ITGA9: variants seen among roughly 807,000 people sequenced by gnomAD.
ITGA9 encodes the protein integrin subunit alpha 9.
ITGA9 carries 56 observed loss-of-function variants against 127.8 expected under a neutral mutation model. The ratio of observed to expected loss-of-function variants is 0.44; its 90% confidence interval spans 0.35 to 0.55. ITGA9 has a LOEUF of 0.55. ITGA9 is among the 20% of genes least tolerant of loss of function. The pLI, the probability that ITGA9 is intolerant of heterozygous loss-of-function variation, is 0.00. For missense variants in ITGA9, 1,196 were observed against 1,347.1 expected, an observed-to-expected ratio of 0.89 and a Z score of 1.76; for synonymous variants, 508 against 514.5, an observed-to-expected ratio of 0.99 and a Z score of 0.17.
At chr3:37,707,899 T>A (rs1233975858) in intron 18 of ITGA9, among the ~76,000 whole-genome samples, 1 of 151,656 alleles carries the variant, frequency 6.6e-6, no homozygotes, top group Non-Finnish European at 1.5e-5. Flanking sequence ...GCAAAGGGGG[T>A]GGGTGAGTGA....
intron 1 of ITGA9, among the ~76,000 whole-genome samples, chr3:37,455,653 ACGTCTCTCTTCT>A (rs1698247825): frequency 6.6e-6 from 1 of 152,244 alleles, no homozygotes; most frequent in Non-Finnish European, 1.5e-5. Flanking sequence ...CTTGTATCTT[ACGTCTCTCTTCT>A]CGAAGAAATT....
chr3:37,519,392 A>G (rs769329859), intron 11 of ITGA9, 38 bp downstream of exon 11: 9 of 1,495,006 alleles, frequency 6.0e-6, no homozygotes, highest in African/African-American at 1.4e-5. Context: ...CTGTTCATAC[A>G]TTCATTCAGC....
chr3:37,631,930 G>A (rs1296579518), intron 16 of ITGA9, among the ~76,000 whole-genome samples: 3 of 152,284 alleles, frequency 2.0e-5, no homozygotes, highest in South Asian at 4.1e-4. Context: ...GGGCGGCCTC[G>A]TTCTCAGAGA....
rs542097906 is a variant in ITGA9, at chr3:37,629,544, C to A, written c.1839+208C>A. 1.4e-5 allele frequency: 9 copies of A among 649,468 alleles called. No individual in the cohort carries two copies. In the East Asian group the frequency reaches 2.2e-4, roughly 16 times the overall value. The allele number at this position is 649,468 out of a possible 1,614,324, so 40.2% of individuals were successfully genotyped here. ...ACTTGTGACTACTGTGGGACTTAAA[C>A]ACTTTCAGACAATTCTCAGGCTGTT... On this transcript the variant is annotated intron_variant, in intron 16 of 27. Coordinates refer to ENST00000264741, the MANE Select transcript of ITGA9 (RefSeq NM_002207.3). The surrounding 1 kb of genome is among the most constrained non-coding windows in gnomAD (Gnocchi z 4.5).
chr3:37,765,747 G>A (rs933552805), intron 23 of ITGA9, among the ~76,000 whole-genome samples: 1 of 152,304 alleles, frequency 6.6e-6, no homozygotes, highest in African/African-American at 2.4e-5. Context: ...AGTCCCGGCT[G>A]TCCGTACAGA....
Position 37,624,768 on chromosome 3 carries a change from G to A in ITGA9, c.1690-4419G>A, listed in dbSNP as rs577544412. On this transcript the variant is annotated intron_variant, in intron 15 of 27. Coordinates refer to ENST00000264741, the MANE Select transcript of ITGA9 (RefSeq NM_002207.3). ...ATTATAGGCGTGCTCCACCACGCCC[G>A]GCTAATTTTTGTATTTTTAGTAGAG... Among the ~76,000 whole-genome samples the A allele has an allele frequency of 4.6e-5, 7 of 152,016 alleles. No homozygotes were observed. The East Asian group carries it at 9.7e-4, about 21-fold the overall frequency.
intron 17 of ITGA9, among the ~76,000 whole-genome samples, chr3:37,664,425 T>C (rs1700565614): frequency 6.7e-6 from 1 of 148,546 alleles, no homozygotes; most frequent in Admixed American, 6.7e-5. Context: ...ACATTCTTTT[T>C]TTTTTTTTTT....
chr3:37,532,533 G>A (rs267567), intron 13 of ITGA9, among the ~76,000 whole-genome samples: 58,371 of 152,094 alleles, frequency 0.38, 13,042 homozygotes, highest in East Asian at 0.72. Flanking sequence ...AAGGTTGAGC[G>A]GTAGCTTAGG....
At chr3:37,677,541 G>A (rs1700695036) in intron 17 of ITGA9, among the ~76,000 whole-genome samples, 1 of 152,126 alleles carries the variant, frequency 6.6e-6, no homozygotes, top group African/African-American at 2.4e-5. Flanking sequence ...AAATGCTAAG[G>A]AAATAAACAC....
intron 13 of ITGA9, 144 bp from the exon 14 acceptor site, chr3:37,533,170 C>A: frequency 1.3e-6 from 1 of 780,568 alleles, no homozygotes; most frequent in Non-Finnish European, 2.2e-6. Context: ...ACAGAACATA[C>A]TAGCCCTTCT....
At chr3:37,804,768 A>G (rs1697276395) in intron 27 of ITGA9, among the ~76,000 whole-genome samples, 1 of 152,220 alleles carries the variant, frequency 6.6e-6, no homozygotes, top group Non-Finnish European at 1.5e-5. Context: ...TTATAGATGG[A>G]TATTTTAAAA....
At chr3:37,635,540 T>A (rs1366462089) in intron 16 of ITGA9, among the ~76,000 whole-genome samples, 4 of 151,490 alleles carry the variant, frequency 2.6e-5, no homozygotes, top group African/African-American at 9.7e-5. Context: ...TCTCTTGGGA[T>A]TTTGTGAGAA....
intron 11 of ITGA9, 116 bp from the exon 12 acceptor site, chr3:37,523,405 T>C: frequency 1.2e-6 from 1 of 808,930 alleles, no homozygotes; most frequent in Non-Finnish European, 2.1e-6. Flanking sequence ...CTTTTTTTTT[T>C]TCTTTCAACA....
chr3:37,554,897 C>T (rs1272260702), intron 15 of ITGA9, among the ~76,000 whole-genome samples: 1 of 152,000 alleles, frequency 6.6e-6, no homozygotes, highest in Non-Finnish European at 1.5e-5. Flanking sequence ...AGTGTGTATG[C>T]GTATGTATGA....
intron 14 of ITGA9, among the ~76,000 whole-genome samples, chr3:37,538,772 C>A (rs1381786122): frequency 6.6e-6 from 1 of 152,232 alleles, no homozygotes; most frequent in Non-Finnish European, 1.5e-5. Context: ...CAGGCAGGGT[C>A]TCTCGTTGTG....
At chr3:37,519,187 A>C in intron 10 of ITGA9, 73 bp from the exon 11 acceptor site, 1 of 1,133,382 alleles carries the variant, frequency 8.8e-7, no homozygotes, top group South Asian at 1.3e-5. Flanking sequence ...CAGACATGAC[A>C]ACCAGAATTA....
chr3:37,570,280 A>T (rs973951171), intron 15 of ITGA9, among the ~76,000 whole-genome samples: 22 of 152,212 alleles, frequency 1.4e-4, no homozygotes, highest in African/African-American at 4.8e-4. Flanking sequence ...TGCTATTCTT[A>T]AATATTGAGT....
At position 37,637,997 on chromosome 3, in the gene ITGA9, G is replaced by A. The variant is rs768689650; in HGVS notation, c.1839+8661G>A. On this transcript the variant is annotated intron_variant, in intron 16 of 27. Transcript: ENST00000264741. ...CAGCAATCCGTGTTTTAACAAGATG[G>A]CTGGGTGATTCTCATGCAGCTAAAG... 2.6e-5 allele frequency among the ~76,000 whole-genome samples: 4 copies of A among 152,152 alleles called. No homozygotes were observed. In the East Asian group the frequency reaches 7.7e-4, roughly 29 times the overall value.
intron 16 of ITGA9, among the ~76,000 whole-genome samples, chr3:37,637,969 G>C (rs372028537): frequency 3.3e-5 from 5 of 152,128 alleles, no homozygotes; most frequent in African/African-American, 1.2e-4. Context: ...CACCGTGCCC[G>C]GCCAGCAATC....
Sources: allele counts gnomAD v4.1 joint callset (sites outside exome capture counted in the v4.1 genomes callset), GRCh38; gene constraint gnomAD v4.1.1; non-coding constraint Gnocchi (gnomAD v3.1); transcripts MANE v1.5; gene names NCBI Gene and HGNC (gene_info 2026-07-23, HGNC 2026-07-21).